LMBR1: variants seen among roughly 807,000 people sequenced by gnomAD.
LMBR1 encodes the protein limb development membrane protein 1, also known as limb region 1 protein homolog.
Under a neutral mutation model 73.9 loss-of-function variants are expected in LMBR1, and 52 were observed. That is an observed-to-expected ratio of 0.70 (90% confidence interval 0.56 to 0.89). The LOEUF is 0.89. LMBR1 is among the 40% of genes least tolerant of loss of function. The probability of loss-of-function intolerance (pLI) is 0.00; values close to 1 mark genes in which losing one functional copy is unlikely to be tolerated. For missense variants in LMBR1, 539 were observed against 579.8 expected, an observed-to-expected ratio of 0.93 and a Z score of 0.72; for synonymous variants, 215 against 209.4, an observed-to-expected ratio of 1.03 and a Z score of -0.23.
intron 1 of LMBR1, among the ~76,000 whole-genome samples, chr7:156,877,362 A>G (rs901871406): frequency 1.3e-5 from 2 of 152,134 alleles, no homozygotes; most frequent in Admixed American, 6.5e-5. Flanking sequence ...ACACTATTCC[A>G]CAAGATAAAG....
At chr7:156,873,125 G>A (rs895437559) in intron 1 of LMBR1, among the ~76,000 whole-genome samples, 10 of 152,170 alleles carry the variant, frequency 6.6e-5, no homozygotes, top group Non-Finnish European at 8.8e-5. Flanking sequence ...GGACTCTTGC[G>A]GTGAGTGTTA....
intron 4 of LMBR1, among the ~76,000 whole-genome samples, chr7:156,817,959 C>T (rs1053192359): frequency 2.0e-5 from 3 of 152,208 alleles, no homozygotes; most frequent in African/African-American, 4.8e-5. Flanking sequence ...ATTTCCTATC[C>T]CAAACACTAG....
intron 4 of LMBR1, among the ~76,000 whole-genome samples, chr7:156,809,674 G>A (rs1260064929): frequency 6.6e-6 from 1 of 152,156 alleles, no homozygotes; most frequent in Non-Finnish European, 1.5e-5. Context: ...CACAGATCCA[G>A]AGGGCTGACT....
At chr7:156,733,171 A>G (rs1460004753) in intron 10 of LMBR1, among the ~76,000 whole-genome samples, 1 of 152,048 alleles carries the variant, frequency 6.6e-6, no homozygotes, top group African/African-American at 2.4e-5. Flanking sequence ...CAAAACAAAA[A>G]GAAATACTAT....
intron 1 of LMBR1, among the ~76,000 whole-genome samples, chr7:156,889,931 GA>G (rs1254167123): frequency 4.6e-5 from 7 of 152,124 alleles, no homozygotes; most frequent in Non-Finnish European, 1.0e-4. Flanking sequence ...CTGAGCCTTG[GA>G]AGTCAAGGCT....
At chr7:156,874,420 C>T (rs1799846171) in intron 1 of LMBR1, among the ~76,000 whole-genome samples, 1 of 152,254 alleles carries the variant, frequency 6.6e-6, no homozygotes, top group African/African-American at 2.4e-5. Context: ...GAGTGGGCTC[C>T]AGCCTCGGCC....
At chr7:156,757,666 A>C (rs1822160491) in intron 8 of LMBR1, among the ~76,000 whole-genome samples, 1 of 152,226 alleles carries the variant, frequency 6.6e-6, no homozygotes, top group South Asian at 2.1e-4. Context: ...AAAAAAAATA[A>C]ATTGTGAGGA....
intron 9 of LMBR1, among the ~76,000 whole-genome samples, chr7:156,751,865 C>T (rs1324266740): frequency 6.6e-6 from 1 of 152,164 alleles, no homozygotes; most frequent in Non-Finnish European, 1.5e-5. Flanking sequence ...GCCTATTGGA[C>T]ATCCAAATGG....
intron 2 of LMBR1, among the ~76,000 whole-genome samples, chr7:156,835,455 GAAGTC>G (rs1837443873): frequency 1.3e-5 from 2 of 152,296 alleles, no homozygotes; most frequent in South Asian, 4.1e-4. Flanking sequence ...AGCACTTTAG[GAAGTC>G]AAGGCAGGCA....
At chr7:156,866,633 T>G (rs1006393322) in intron 1 of LMBR1, among the ~76,000 whole-genome samples, 1 of 149,580 alleles carries the variant, frequency 6.7e-6, no homozygotes, top group Non-Finnish European at 1.5e-5. Flanking sequence ...TGAGACATAG[T>G]CTTGCTCCAT....
At chr7:156,733,221 G>C (rs1255514691) in intron 10 of LMBR1, among the ~76,000 whole-genome samples, 1 of 152,022 alleles carries the variant, frequency 6.6e-6, no homozygotes, top group Non-Finnish European at 1.5e-5. Flanking sequence ...CACCTGACAA[G>C]GTAAAATTCA....
intron 4 of LMBR1, among the ~76,000 whole-genome samples, chr7:156,807,845 A>G (rs761007271): frequency 6.6e-6 from 1 of 152,134 alleles, no homozygotes; most frequent in Non-Finnish European, 1.5e-5. Context: ...GCACTTTCAA[A>G]TTTCCCTTTT....
intron 1 of LMBR1, among the ~76,000 whole-genome samples, chr7:156,885,250 G>T (rs1801694343): frequency 6.6e-6 from 1 of 151,876 alleles, no homozygotes; most frequent in African/African-American, 2.4e-5. Flanking sequence ...CTACTTGGGA[G>T]GCTGAGGCAG....
At chr7:156,878,589 T>C (rs1221726169) in intron 1 of LMBR1, among the ~76,000 whole-genome samples, 1 of 152,226 alleles carries the variant, frequency 6.6e-6, no homozygotes, top group African/African-American at 2.4e-5. Context: ...CCCAAGCTCA[T>C]GGATGGGTAG....
intron 4 of LMBR1, among the ~76,000 whole-genome samples, chr7:156,816,528 T>C (rs1156321018): frequency 6.6e-6 from 1 of 152,176 alleles, no homozygotes; most frequent in Non-Finnish European, 1.5e-5. Context: ...TGTCAAGAAA[T>C]TAGATGCCTG....
chr7:156,686,721 A>C (rs919856794), intron 16 of LMBR1, among the ~76,000 whole-genome samples: 3 of 152,254 alleles, frequency 2.0e-5, no homozygotes, highest in Non-Finnish European at 2.9e-5. Flanking sequence ...ACCTAATTCA[A>C]AAGCTAAAGT....
chr7:156,814,671 G>A (rs901252345), intron 4 of LMBR1, among the ~76,000 whole-genome samples: 3 of 152,208 alleles, frequency 2.0e-5, no homozygotes, highest in Admixed American at 6.5e-5. Context: ...AGCACTTTAC[G>A]TCTAACAGCC....
intron 5 of LMBR1, among the ~76,000 whole-genome samples, chr7:156,778,498 C>T (rs1826552257): frequency 6.6e-6 from 1 of 152,206 alleles, no homozygotes; most frequent in African/African-American, 2.4e-5. Context: ...TTAAATACCA[C>T]ATGCGTGAGC....
intron 15 of LMBR1, among the ~76,000 whole-genome samples, chr7:156,713,708 T>C (rs1812590889): frequency 6.6e-6 from 1 of 152,200 alleles, no homozygotes; most frequent in African/African-American, 2.4e-5. Flanking sequence ...CCTACAGGTG[T>C]TTGTATAAGT....
Sources: allele counts gnomAD v4.1 joint callset (sites outside exome capture counted in the v4.1 genomes callset), GRCh38; gene constraint gnomAD v4.1.1; transcripts MANE v1.5; gene names NCBI Gene and HGNC (gene_info 2026-07-23, HGNC 2026-07-21).